PTPN3: variants seen among roughly 807,000 people sequenced by gnomAD.
PTPN3 encodes tyrosine-protein phosphatase non-receptor type 3.
In PTPN3, 96 loss-of-function variants were observed where a neutral mutation model predicts 132.7. The ratio of observed to expected loss-of-function variants is 0.72; its 90% CI spans 0.61 to 0.86. The LOEUF is 0.86. PTPN3 is among the 40% of genes least tolerant of loss of function. PTPN3 has a pLI of 0.00. For missense variants in PTPN3, 1,125 were observed against 1,159.6 expected (o/e 0.97, Z 0.43); for synonymous variants, 398 against 429.0 (o/e 0.93, Z 0.89).
In PTPN3 at chr9:109,457,386, C is replaced by T. The variant is rs906855815; in HGVS notation, c.152G>A (p.Gly51Asp). The change falls in exon 3 of 26, where the codon GGC becomes GAC. Residue 51 changes from glycine (G) to aspartate (D), a missense_variant. By Grantham distance (94) the Gly-to-Asp change is moderately conservative (BLOSUM62 -1). Coordinates refer to ENST00000374541, the MANE Select transcript of PTPN3 (RefSeq NM_002829.4). ...GTGCACCATATCCAGAAGAACCTGGCCAGTGTCTTGTTTCTAGAACAAAGG... is the reference window on the plus strand; with the variant it reads ...GTGCACCATATCCAGAAGAACCTGGTCAGTGTCTTGTTTCTAGAACAAAGG... Reference protein sequence around the residue: ...QTFKVTKQDTGQVLLDMVHNH... With the variant: ...QTFKVTKQDTDQVLLDMVHNH... 3.1e-6 allele frequency: 5 copies of T among 1,612,168 alleles called. No individual in the cohort carries two copies. The highest frequency in any genetic ancestry group is 1.1e-5 in the South Asian group (1 of 90,346).
At chr9:109,479,278 T>A (rs759454649) in intron 1 of PTPN3, among the ~76,000 whole-genome samples, 1 of 152,216 alleles carries the variant, frequency 6.6e-6, no homozygotes, top group African/African-American at 2.4e-5. Context: ...TGGAACCACA[T>A]AGTATTTGTC....
intron 1 of PTPN3, among the ~76,000 whole-genome samples, chr9:109,467,936 G>T (rs1011864653): frequency 6.6e-6 from 1 of 152,122 alleles, no homozygotes; most frequent in African/African-American, 2.4e-5. Flanking sequence ...TCATAAATAG[G>T]TATTTTATGA....
At chr9:109,454,628 T>C (rs1845467436) in intron 4 of PTPN3, 54 bp from the exon 5 acceptor site, 2 of 1,405,424 alleles carry the variant, frequency 1.4e-6, no homozygotes, top group Non-Finnish European at 2.0e-6. Context: ...AGTCAATGTA[T>C]GTAAGTTGCT....
At chr9:109,408,934 C>A (rs1042740546) in intron 16 of PTPN3, among the ~76,000 whole-genome samples, 1 of 150,554 alleles carries the variant, frequency 6.6e-6, no homozygotes, top group Non-Finnish European at 1.5e-5. Context: ...ACCCTGTGAG[C>A]GCATCTGGCC....
At chr9:109,417,582 T>A in intron 14 of PTPN3, 1 of 984,746 alleles carries the variant, frequency 1.0e-6, no homozygotes, top group Non-Finnish European at 1.2e-6. Flanking sequence ...CAGTCTGTAC[T>A]TCTTACCTGG....
intron 1 of PTPN3, among the ~76,000 whole-genome samples, chr9:109,475,326 G>T (rs1846604400): frequency 6.6e-6 from 1 of 152,192 alleles, no homozygotes; most frequent in Non-Finnish European, 1.5e-5. Flanking sequence ...TTCCTTTCAT[G>T]TATACTTTCT....
At chr9:109,513,485 A>C in the PTPN3 span, among the ~76,000 whole-genome samples, 1 of 152,300 alleles carries the variant, frequency 6.6e-6, no homozygotes, top group Admixed American at 6.5e-5. Context: ...GCACTTACCT[A>C]AGTACATAAC....
intron 19 of PTPN3, among the ~76,000 whole-genome samples, chr9:109,394,668 ATTATACAATGAATAAT>A (rs1412268920): frequency 1.1e-4 from 17 of 152,210 alleles, no homozygotes; most frequent in African/African-American, 3.4e-4. Flanking sequence ...ATTTATACAA[ATTATACAATGAATAAT>A]TTATACAATG....
At chr9:109,468,452 C>T (rs1045679844) in intron 1 of PTPN3, among the ~76,000 whole-genome samples, 3 of 152,078 alleles carry the variant, frequency 2.0e-5, no homozygotes, top group Admixed American at 2.0e-4. Context: ...CTGCAAGCTC[C>T]TCCTCCCGGG....
chr9:109,414,101 T>A (rs1842291254), intron 14 of PTPN3, among the ~76,000 whole-genome samples: 1 of 151,780 alleles, frequency 6.6e-6, no homozygotes, highest in African/African-American at 2.4e-5. Context: ...AAATGCTGAG[T>A]GAATGAAGAA....
At chr9:109,390,921 G>A (rs928206845) in intron 21 of PTPN3, among the ~76,000 whole-genome samples, 1 of 152,186 alleles carries the variant, frequency 6.6e-6, no homozygotes, top group Non-Finnish European at 1.5e-5. Flanking sequence ...TCTTCTGTTA[G>A]CTTTGTGACT....
the PTPN3 span, among the ~76,000 whole-genome samples, chr9:109,509,291 G>T: frequency 6.6e-6 from 1 of 152,204 alleles, no homozygotes; most frequent in Non-Finnish European, 1.5e-5. Flanking sequence ...AGCTGCCCCA[G>T]TGTTGTCAGC....
intron 1 of PTPN3, among the ~76,000 whole-genome samples, chr9:109,496,664 C>T (rs1847682342): frequency 6.6e-6 from 1 of 152,300 alleles, no homozygotes; most frequent in Non-Finnish European, 1.5e-5. Context: ...TCAAACAACT[C>T]GGGCTAATGA....
At chr9:109,446,159 G>A (rs546472152) in intron 6 of PTPN3, among the ~76,000 whole-genome samples, 2 of 152,320 alleles carry the variant, frequency 1.3e-5, no homozygotes, top group Admixed American at 1.3e-4. Flanking sequence ...AGGAAGAAGG[G>A]CTTGAAGGGT....
intron 2 of PTPN3, among the ~76,000 whole-genome samples, chr9:109,459,505 G>C (rs952283299): frequency 6.6e-6 from 1 of 152,186 alleles, no homozygotes; most frequent in African/African-American, 2.4e-5. Context: ...GAACAATGAC[G>C]TTCATAACTA....
chr9:109,389,166 G>A, intron 22 of PTPN3, 67 bp downstream of exon 22: 1 of 1,573,428 alleles, frequency 6.4e-7, no homozygotes, highest in African/African-American at 1.3e-5. Flanking sequence ...TCTCAGCGCT[G>A]AGATTCATGT....
chr9:109,446,857 C>T (rs1844897010), intron 6 of PTPN3, among the ~76,000 whole-genome samples: 1 of 152,192 alleles, frequency 6.6e-6, no homozygotes, highest in African/African-American at 2.4e-5. Context: ...AGGGTCTTCA[C>T]CTGCTGAGTG....
At chr9:109,482,019 A>G (rs866540742) in intron 1 of PTPN3, among the ~76,000 whole-genome samples, 1 of 152,222 alleles carries the variant, frequency 6.6e-6, no homozygotes, top group African/African-American at 2.4e-5. Flanking sequence ...AGGCCATAGA[A>G]AATGGAGCCT....
At chr9:109,463,570 G>C (rs753308497) in intron 1 of PTPN3, 119 bp from the exon 2 acceptor site, 2 of 875,132 alleles carry the variant, frequency 2.3e-6, no homozygotes, top group Non-Finnish European at 3.4e-6. Context: ...CAGATAATGA[G>C]AACTACATAG....
Sources: allele counts gnomAD v4.1 joint callset (sites outside exome capture counted in the v4.1 genomes callset), GRCh38; gene constraint gnomAD v4.1.1; transcripts MANE v1.5; gene names NCBI Gene and HGNC (gene_info 2026-07-23, HGNC 2026-07-21).